The following XPO4 variants were observed in gnomAD, a reference collection of about 807,000 sequenced individuals.
XPO4 encodes the protein exportin-4.
A neutral mutation model predicts 143.0 loss-of-function variants in XPO4; 39 were observed. That is an observed-to-expected ratio of 0.27 (90% CI 0.21 to 0.36). The LOEUF is 0.36. XPO4 is among the 10% of genes least tolerant of loss of function. XPO4 has a pLI of 1.00. For missense variants in XPO4, 907 were observed against 1,348.0 expected, an observed-to-expected ratio of 0.67 and a Z score of 5.12; for synonymous variants, 439 against 474.0, an observed-to-expected ratio of 0.93 and a Z score of 0.96.
intron 4 of XPO4, 101 bp from the exon 5 acceptor site, chr13:20,843,987 T>G: frequency 1.2e-6 from 1 of 839,134 alleles, no homozygotes; most frequent in African/African-American, 1.7e-5. Flanking sequence ...TCCCTAACTT[T>G]AGATCTTCCA....
At chr13:20,861,914 G>A (rs4770076) in intron 3 of XPO4, among the ~76,000 whole-genome samples, 10 of 149,960 alleles carry the variant, frequency 6.7e-5, no homozygotes, top group Non-Finnish European at 8.9e-5. Flanking sequence ...TCAGACTCCC[G>A]AGTAGCTGGG....
chr13:20,818,095 T>A (rs1218987468), intron 9 of XPO4, among the ~76,000 whole-genome samples: 1 of 152,204 alleles, frequency 6.6e-6, no homozygotes, highest in Non-Finnish European at 1.5e-5. Context: ...AGGATTTTAA[T>A]CTTTAAGGCA....
chr13:20,896,738 T>A (rs776662045), intron 1 of XPO4, among the ~76,000 whole-genome samples: 1 of 152,230 alleles, frequency 6.6e-6, no homozygotes, highest in Non-Finnish European at 1.5e-5. Context: ...CTGTATCAGT[T>A]AGACCCTCCA....
In XPO4 at chr13:20,870,662, A is replaced by T. The variant is rs145756339; in HGVS notation, c.70-1961T>A. Among the ~76,000 whole-genome samples, 450 of 151,816 alleles carry T rather than the reference A, an allele frequency of 3.0e-3. 1 individual carries two copies. Among genetic ancestry groups the T allele is most frequent in the African/African-American group, 0.01 (435 of 41,454 alleles). ...AGAAAATCGCTTGAACGCAGGAGGC[A>T]GAGGTTGCAGTGAGTCAAGATCGCG... On this transcript the variant is annotated intron_variant, in intron 1 of 22. Transcript: ENST00000255305.
intron 18 of XPO4, among the ~76,000 whole-genome samples, chr13:20,795,596 C>G (rs1036465428): frequency 6.6e-6 from 1 of 152,170 alleles, no homozygotes; most frequent in Non-Finnish European, 1.5e-5. Flanking sequence ...GCTTTCCAAG[C>G]CACACTCTGG....
chr13:20,785,903 GAGGGAGGAAGGAAGGA>G (rs2059197058), intron 22 of XPO4, among the ~76,000 whole-genome samples: 1 of 62,878 alleles, frequency 1.6e-5, no homozygotes, highest in Non-Finnish European at 4.1e-5. Flanking sequence ...AAAGAAAGAG[GAGGGAGGAAGGAAGGA>G]AGAAAGGAAA....
At chr13:20,873,824 T>C (rs1238343060) in intron 1 of XPO4, among the ~76,000 whole-genome samples, 3 of 152,160 alleles carry the variant, frequency 2.0e-5, no homozygotes, top group African/African-American at 7.2e-5. Flanking sequence ...TAGATTCTTC[T>C]TTTCCCTGGG....
At chr13:20,888,442 C>T (rs2060481184) in intron 1 of XPO4, among the ~76,000 whole-genome samples, 1 of 152,100 alleles carries the variant, frequency 6.6e-6, no homozygotes, top group African/African-American at 2.4e-5. Flanking sequence ...CTTTGACCTC[C>T]CAGACTCAAT....
intron 4 of XPO4, among the ~76,000 whole-genome samples, chr13:20,844,415 T>G (rs2060009710): frequency 1.3e-5 from 2 of 152,284 alleles, no homozygotes. Flanking sequence ...GTTTTTTAAA[T>G]AGAAAAATGA....
chr13:20,879,212 C>T, intron 1 of XPO4: 2 of 985,172 alleles, frequency 2.0e-6, no homozygotes, highest in Non-Finnish European at 2.4e-6. Flanking sequence ...AGGGATCTAA[C>T]AAGATATCCC....
intron 6 of XPO4, among the ~76,000 whole-genome samples, chr13:20,835,833 G>C (rs1291235280): frequency 6.6e-6 from 1 of 151,924 alleles, no homozygotes; most frequent in Non-Finnish European, 1.5e-5. Context: ...GAGACAGCAA[G>C]ACCAACCCCT....
chr13:20,798,577 G>A lies in XPO4; in HGVS notation c.2322+588C>T, dbSNP rs114300799. ...ATTTAATAAGCCAGTCCATGCTCTC[G>A]ACTGAGTTGTGAAAAATGTGCCTAA... is the stretch of plus-strand genomic sequence containing the variant. On this transcript the variant is annotated intron_variant, in intron 16 of 22. Transcript: ENST00000255305. 4.8e-3 allele frequency among the ~76,000 whole-genome samples: 724 copies of A among 152,222 alleles called. 6 individuals are homozygous for A. The highest frequency in any genetic ancestry group is 0.016 in the African/African-American group (646 of 41,542).
chr13:20,786,282 G>GGT (rs1212635806), intron 22 of XPO4, among the ~76,000 whole-genome samples: 3 of 90,044 alleles, frequency 3.3e-5, no homozygotes, highest in Non-Finnish European at 8.2e-5. Context: ...CATGCTGGGA[G>GGT]GTATATATAT....
intron 16 of XPO4, among the ~76,000 whole-genome samples, chr13:20,798,160 G>C (rs887231298): frequency 6.6e-6 from 1 of 152,064 alleles, no homozygotes; most frequent in South Asian, 2.1e-4. Flanking sequence ...AAGAAAATAG[G>C]GTTGTCATAG....
chr13:20,791,731 G>A lies in XPO4; in HGVS notation c.2798-1151C>T, dbSNP rs554696993. On this transcript the variant is annotated intron_variant, in intron 18 of 22. Coordinates refer to ENST00000255305, the MANE Select transcript of XPO4 (RefSeq NM_022459.5). The stretch of plus-strand genomic sequence containing the variant: ...TAAAATGCAATGTATAGTTGACTCT[G>A]GATGGTGTCCAAAAGTAAGCATGAT... Among the ~76,000 whole-genome samples, 286 of 152,286 alleles carry A rather than the reference G, an allele frequency of 1.9e-3. 1 individual carries two copies. Among genetic ancestry groups the A allele is most frequent in the Non-Finnish European group, 3.4e-3 (232 of 68,028 alleles).
Position 20,841,358 on chromosome 13 carries a change from T to C in XPO4, c.727+1537A>G, listed in dbSNP as rs573870178. ...AATAAAGCCTGCCTTACCAACTTTA[T>C]TTAAAAAAACAAACAAACAAAAAAC... On this transcript the variant is annotated intron_variant, in intron 6 of 22. Coordinates refer to ENST00000255305, the MANE Select transcript of XPO4 (RefSeq NM_022459.5). 3.8e-3 allele frequency among the ~76,000 whole-genome samples: 526 copies of C among 137,394 alleles called. 3 individuals carry two copies. The highest frequency in any genetic ancestry group is 4.9e-3 in the South Asian group (18 of 3,680). 90.1% of individuals were successfully genotyped at this position (137,394 alleles called of 152,430 possible). A position where few individuals can be genotyped will look rare whatever the true frequency, so the allele number is the denominator to read the frequency against.
chr13:20,801,846 A>C (rs1172463017), intron 13 of XPO4, among the ~76,000 whole-genome samples: 1 of 152,164 alleles, frequency 6.6e-6, no homozygotes, highest in African/African-American at 2.4e-5. Context: ...TGATCTCATC[A>C]TGAAATCATA....
intron 4 of XPO4, chr13:20,852,499 G>A (rs1031588428): frequency 2.6e-5 from 26 of 985,256 alleles, no homozygotes; most frequent in Non-Finnish European, 7.2e-6. Context: ...CAAATTCATA[G>A]AAATGACAAG....
intron 1 of XPO4, 179 bp downstream of exon 1, chr13:20,902,491 G>A (rs530079441): frequency 2.0e-6 from 2 of 985,422 alleles, no homozygotes; most frequent in South Asian, 9.4e-5. Flanking sequence ...AGGAGGGGAC[G>A]ACGGCAGGAG....
Sources: gnomAD v4.1 joint callset for allele counts (sites outside exome capture counted in the v4.1 genomes callset) on GRCh38, gnomAD v4.1.1 for gene constraint, MANE v1.5 for transcripts, NCBI Gene and HGNC (gene_info 2026-07-23, HGNC 2026-07-21) for gene names.